The following KDM7A variants were observed in gnomAD, a reference collection of about 807,000 sequenced individuals.
KDM7A encodes the protein lysine demethylase 7A.
In KDM7A, 28 loss-of-function variants were observed where a neutral mutation model predicts 114.8. The observed-to-expected ratio is 0.24, with a 90% CI of 0.18 to 0.33. KDM7A has a LOEUF of 0.33. Among genes scored for constraint, KDM7A ranks in the 10% least tolerant of loss-of-function variants. KDM7A has a pLI of 1.00. For synonymous variants in KDM7A, 423 were observed against 397.8 expected (o/e 1.06, Z -0.75); for missense variants, 942 against 1,142.5 (o/e 0.82, Z 2.53).
At chr7:140,141,975 G>T (rs1794287091) in intron 1 of KDM7A, among the ~76,000 whole-genome samples, 1 of 146,990 alleles carries the variant, frequency 6.8e-6, no homozygotes, top group South Asian at 2.1e-4. Flanking sequence ...ATATAAAATA[G>T]GCTTGATATT....
chr7:140,103,365 C>A lies in KDM7A; in HGVS notation c.1429-1205G>T, dbSNP rs372142652. On this transcript the variant is annotated intron_variant, in intron 11 of 19. Transcript: ENST00000397560. Reference sequence around the variant, plus strand: ...TTCTAGGGTACATGTGCACAACGTGCAGATTTGTTACATATGTATACATGT... The same window carrying A: ...TTCTAGGGTACATGTGCACAACGTGAAGATTTGTTACATATGTATACATGT... 2.6e-5 allele frequency among the ~76,000 whole-genome samples: 4 copies of A among 151,752 alleles called. No individual in the cohort carries two copies. In the South Asian group the frequency reaches 8.3e-4, roughly 32 times the overall value.
At chr7:140,145,109 C>A (rs1794326206) in intron 1 of KDM7A, among the ~76,000 whole-genome samples, 4 of 152,126 alleles carry the variant, frequency 2.6e-5, no homozygotes, top group Non-Finnish European at 5.9e-5. Flanking sequence ...ACTACAAAAC[C>A]ATTTAAACAG....
At chr7:140,093,744 T>C (rs532339203) in intron 18 of KDM7A, among the ~76,000 whole-genome samples, 2 of 152,372 alleles carry the variant, frequency 1.3e-5, no homozygotes, top group East Asian at 3.9e-4. Context: ...TAAAAAGATA[T>C]GATATTCATC....
chr7:140,130,600 G>T (rs1225633477), intron 3 of KDM7A, among the ~76,000 whole-genome samples: 3 of 151,776 alleles, frequency 2.0e-5, no homozygotes, highest in Non-Finnish European at 4.4e-5. Flanking sequence ...CAGCCTGAGT[G>T]ACAAGAGCAA....
chr7:140,095,617 C>T (rs1220132106), intron 17 of KDM7A: 11 of 284,674 alleles, frequency 3.9e-5, no homozygotes, highest in Non-Finnish European at 4.2e-5. Context: ...GTGGCTCACA[C>T]CTGTAATCTC....
intron 11 of KDM7A, among the ~76,000 whole-genome samples, chr7:140,103,306 CTTTT>C (rs35185351): frequency 1.3e-5 from 2 of 148,224 alleles, no homozygotes; most frequent in Admixed American, 6.7e-5. Context: ...TCAGCATTTC[CTTTT>C]TTTTTTTATT....
chr7:140,106,042 A>C (rs1329891613), intron 11 of KDM7A, among the ~76,000 whole-genome samples: 2 of 152,112 alleles, frequency 1.3e-5, no homozygotes, highest in Non-Finnish European at 2.9e-5. Flanking sequence ...TGAGGAATTT[A>C]TCTATTTCTT....
intron 1 of KDM7A, among the ~76,000 whole-genome samples, chr7:140,140,547 G>A (rs552480984): frequency 3.3e-5 from 5 of 152,150 alleles, no homozygotes; most frequent in East Asian, 1.9e-4. Context: ...AGGCCGAGGC[G>A]GGTGGATCAC....
rs754716440 is a variant in KDM7A, at chr7:140,099,006, T to C, written c.1791A>G (p.Gln597=). The change falls in exon 14 of 20, where the codon CAA becomes CAG. Residue 597 remains glutamine, a synonymous_variant. Transcript: ENST00000397560. ...TTTCACTATCTGCTGTATAAAGACT[T>C]TGATCTGCAAAGGGCTGCCTTTCAT... ...IKDERQPFAD[Q]SLYTADSENE... The C allele has an allele frequency of 5.0e-6, 8 of 1,613,018 alleles. No homozygotes were observed. The highest frequency in any genetic ancestry group is 2.7e-5 in the African/African-American group (2 of 74,854).
In KDM7A at chr7:140,098,949, T is replaced by C; in HGVS notation, c.1848A>G (p.Ala616=). The C allele has an allele frequency of 6.2e-7, 1 of 1,613,774 alleles. No individual in the cohort carries two copies. The highest frequency in any genetic ancestry group is 1.1e-5 in the South Asian group (1 of 91,072). The change falls in exon 14 of 20, where the codon GCA becomes GCG. Residue 616 remains alanine (A), a synonymous_variant. Coordinates refer to ENST00000397560, the MANE Select transcript of KDM7A (RefSeq NM_030647.2). Reference sequence around the variant, plus strand: ...CTGAACTCTCTTCTATCTTCATTTTTGCCTTTTTTGTCCTTCTTTTATCCT... The same window carrying C: ...CTGAACTCTCTTCTATCTTCATTTTCGCCTTTTTTGTCCTTCTTTTATCCT... The part of the protein sequence containing the change: ...NEEDKRRTKK[A]KMKIEESSGV...
At chr7:140,101,138 C>G (rs945231006) in intron 12 of KDM7A, among the ~76,000 whole-genome samples, 1 of 151,852 alleles carries the variant, frequency 6.6e-6, no homozygotes, top group Non-Finnish European at 1.5e-5. Flanking sequence ...GTTCTTCGAT[C>G]TTATTCATTT....
Position 140,113,979 on chromosome 7 carries a change from C to A in KDM7A, c.1247-397G>T, listed in dbSNP as rs190413974. Among the ~76,000 whole-genome samples, 498 of 151,956 alleles carry A rather than the reference C, an allele frequency of 3.3e-3. 1 individual carries two copies. Among genetic ancestry groups the A allele is most frequent in the Middle Eastern group, 0.017 (5 of 294 alleles). ...AAATAAGTTAAATATGCACACATAC[C>A]ATATTAAAAAATATAGAAAGGTTTC... On this transcript the variant is annotated intron_variant, in intron 9 of 19. Coordinates refer to ENST00000397560, the MANE Select transcript of KDM7A (RefSeq NM_030647.2).
chr7:140,162,676 C>A (rs17277530), intron 1 of KDM7A, among the ~76,000 whole-genome samples: 63,277 of 151,916 alleles, frequency 0.42, 13,433 homozygotes, highest in Middle Eastern at 0.48. Context: ...GAATTTTAAA[C>A]TATGACTACA....
intron 2 of KDM7A, among the ~76,000 whole-genome samples, chr7:140,135,849 T>C (rs1349159775): frequency 6.6e-6 from 1 of 151,910 alleles, no homozygotes; most frequent in Non-Finnish European, 1.5e-5. Context: ...TTACTAGTAT[T>C]ATATAAGAAG....
chr7:140,109,659 GAT>G (rs1430953550), intron 11 of KDM7A, among the ~76,000 whole-genome samples: 3 of 152,266 alleles, frequency 2.0e-5, no homozygotes, highest in African/African-American at 4.8e-5. Context: ...ATTACAAAAT[GAT>G]ATGTTTATAC....
rs1818125131 is a variant in KDM7A, at chr7:140,096,924, A to G, written c.2140T>C (p.Ser714Pro). The G allele has an allele frequency of 2.5e-6, 4 of 1,613,948 alleles. No individual in the cohort carries two copies. The highest frequency in any genetic ancestry group is 3.4e-6 in the Non-Finnish European group (4 of 1,179,880). ...CTTTTAATTGGAATTTCACTTCTAG[A>G]TGGCTTCTGGCTCTTTTGAAGGAAG... is the stretch of plus-strand genomic sequence containing the variant. ...RNFLQKSQKP[S>P]RSEIPIKREC... Residue 714 changes from serine to proline, a missense_variant, in exon 16 of 20, where the codon TCT becomes CCT. Around this residue, in one of 4 missense-constraint regions of KDM7A, gnomAD observed 512 missense variants for 576.6 expected, o/e 0.89. Transcript: ENST00000397560.
chr7:140,092,154 A>G, intron 18 of KDM7A, 77 bp from the exon 19 acceptor site: 1 of 1,352,380 alleles, frequency 7.4e-7, no homozygotes, highest in South Asian at 1.3e-5. Flanking sequence ...GCATTGGCAA[A>G]GTCAAGTGAG....
At chr7:140,125,102 T>C (rs1247800435) in intron 6 of KDM7A, among the ~76,000 whole-genome samples, 4 of 152,188 alleles carry the variant, frequency 2.6e-5, no homozygotes, top group East Asian at 1.9e-4. Flanking sequence ...TAAATATGTG[T>C]TGACAGGCCC....
At chr7:140,145,046 T>A (rs1225044963) in intron 1 of KDM7A, among the ~76,000 whole-genome samples, 1 of 152,160 alleles carries the variant, frequency 6.6e-6, no homozygotes, top group Non-Finnish European at 1.5e-5. Flanking sequence ...AAACCTCTTC[T>A]CTATAAGTGA....
Sources: gnomAD v4.1 joint callset for allele counts (sites outside exome capture counted in the v4.1 genomes callset) on GRCh38, gnomAD v4.1.1 for gene constraint, gnomAD v4.1.1 regional missense constraint, MANE v1.5 for transcripts, NCBI Gene and HGNC (gene_info 2026-07-23, HGNC 2026-07-21) for gene names.